NGLY1: variants seen among roughly 807,000 people sequenced by gnomAD.
The protein encoded by NGLY1 is peptide-N(4)-(N-acetyl-beta-glucosaminyl)asparagine amidase.
A neutral mutation model predicts 84.6 loss-of-function variants in NGLY1; 68 were observed. That is an observed-to-expected ratio of 0.80 (90% CI 0.66 to 0.98). The LOEUF is 0.98. NGLY1 is among the 50% of genes least tolerant of loss of function. The pLI is 0.00. For missense variants in NGLY1, 779 were observed against 770.2 expected, an observed-to-expected ratio of 1.01 and a Z score of -0.14; for synonymous variants, 280 against 275.2, an observed-to-expected ratio of 1.02 and a Z score of -0.17.
upstream of NGLY1, chr3:25,783,476 A>T (rs1301228487): frequency 4.5e-6 from 6 of 1,318,850 alleles, no homozygotes; most frequent in Non-Finnish European, 5.8e-6. The surrounding 1 kb of genome is among the most constrained non-coding windows in gnomAD (Gnocchi z 4.5). Flanking sequence ...CAGCTACCGC[A>T]GCCACCGGCA....
chr3:25,737,153 A>C (rs1034450492), intron 6 of NGLY1, 181 bp downstream of exon 6: 1 of 518,894 alleles, frequency 1.9e-6, no homozygotes. Context: ...GTGTTTTACA[A>C]AACTCTTGTG....
chr3:25,730,341 A>G (rs1449275342), intron 9 of NGLY1: 1 of 152,136 alleles, frequency 6.6e-6, no homozygotes, highest in Non-Finnish European at 1.5e-5. Context: ...CTAAAGGAAA[A>G]AATGATTTCT....
At position 25,752,999 on chromosome 3, in the gene NGLY1, A is replaced by C. The variant is rs543880998; in HGVS notation, c.493-1736T>G. ...AAAACTTCTCACATCCAGTTAAGGG[A>C]AATTCCAGAAAGACAGTAAAAACAA... On this transcript the variant is annotated intron_variant, in intron 3 of 11. Coordinates refer to ENST00000280700, the MANE Select transcript of NGLY1 (RefSeq NM_018297.4). Among the ~76,000 whole-genome samples the C allele has an allele frequency of 1.6e-4, 24 of 152,242 alleles. 1 individual carries two copies. The South Asian group carries it at 4.8e-3, about 30-fold the overall frequency.
In NGLY1 at chr3:25,739,557, T is replaced by C; in HGVS notation, c.881+20A>G. On this transcript the variant is annotated intron_variant, in intron 5 of 11. Coordinates refer to ENST00000280700, the MANE Select transcript of NGLY1 (RefSeq NM_018297.4). ...ATTTCATTAAGAGATTATTCTGATT[T>C]TACCATCCAGGGCACCCACCTTGGG... is the stretch of plus-strand genomic sequence containing the variant. 1 of 1,609,290 alleles carries C rather than the reference T, an allele frequency of 6.2e-7. No individual in the cohort carries two copies. The highest frequency in any genetic ancestry group is 8.5e-7 in the Non-Finnish European group (1 of 1,176,230).
At chr3:25,767,240 C>T (rs1215619365) in intron 2 of NGLY1, among the ~76,000 whole-genome samples, 3 of 149,980 alleles carry the variant, frequency 2.0e-5, no homozygotes, top group African/African-American at 7.4e-5. Context: ...TGCAGTGAGC[C>T]GAGATCATGC....
chr3:25,745,198 T>A (rs1278045550), intron 4 of NGLY1, among the ~76,000 whole-genome samples: 1 of 152,218 alleles, frequency 6.6e-6, no homozygotes, highest in East Asian at 1.9e-4. Context: ...TGTCACTAAC[T>A]TGTGGTTATT....
rs760591253 is a variant in NGLY1 at position 25,751,268 on chromosome 3, T to C, written c.493-5A>G. The C allele has an allele frequency of 6.6e-5, 99 of 1,493,946 alleles. No homozygotes were observed. In the East Asian group the frequency reaches 2.4e-3, roughly 36 times the overall value. The allele number at this position is 1,493,946 out of a possible 1,614,324, so 92.5% of individuals were successfully genotyped here. A position where few individuals can be genotyped will look rare whatever the true frequency, so the allele number is the denominator to read the frequency against. ...AATGGCTGAGTCAGCAGCAACCTAA[T>C]AGGAAAAAAAAAAACTGAAATTAAC... On this transcript the variant is annotated splice_region_variant and splice_polypyrimidine_tract_variant and intron_variant, in intron 3 of 11. Transcript: ENST00000280700.
chr3:25,744,089 T>C (rs1284694847), intron 4 of NGLY1, among the ~76,000 whole-genome samples: 1 of 152,220 alleles, frequency 6.6e-6, no homozygotes, highest in Non-Finnish European at 1.5e-5. Context: ...TAGTAACTTA[T>C]CAGTGACAAA....
chr3:25,739,066 A>G (rs1705990592), intron 5 of NGLY1, among the ~76,000 whole-genome samples: 1 of 152,234 alleles, frequency 6.6e-6, no homozygotes, highest in African/African-American at 2.4e-5. Context: ...GATTATTGTG[A>G]GAGTGAATAC....
rs1391714503 is a variant in NGLY1, at chr3:25,720,311, C to G, written c.1612-120G>C. On this transcript the variant is annotated intron_variant, in intron 10 of 11. Transcript: ENST00000280700. ...GTATGTACAAGTGGTTATTTAAAAACTAACTTTTCCCTGTTGAAAAGGTTC... is the reference window on the plus strand; with the variant it reads ...GTATGTACAAGTGGTTATTTAAAAAGTAACTTTTCCCTGTTGAAAAGGTTC... 4.0e-6 allele frequency: 3 copies of G among 741,924 alleles called. No homozygotes were observed. The African/African-American group carries it at 5.4e-5, about 13-fold the overall frequency. 46.0% of individuals were successfully genotyped at this position (741,924 alleles called of 1,614,324 possible). A position where few individuals can be genotyped will look rare whatever the true frequency, so the allele number is the denominator to read the frequency against.
intron 9 of NGLY1, chr3:25,730,328 T>C (rs1218140780): frequency 6.6e-6 from 1 of 152,112 alleles, no homozygotes; most frequent in Non-Finnish European, 1.5e-5. Flanking sequence ...CAAACATCCA[T>C]TTCTAAAGGA....
chr3:25,719,669 T>C (rs551471535), intron 11 of NGLY1, 34 bp from the exon 12 acceptor site: 404 of 1,570,146 alleles, frequency 2.6e-4, no homozygotes, highest in Non-Finnish European at 3.2e-4. Context: ...AACATTTTGC[T>C]TTTGGTAATT....
At chr3:25,779,944 T>G (rs115549260) in intron 1 of NGLY1, among the ~76,000 whole-genome samples, 3,471 of 152,344 alleles carry the variant, frequency 0.023, 63 homozygotes, top group Non-Finnish European at 0.033. Context: ...ACACAAGTAG[T>G]ACAGAAATTT....
chr3:25,761,793 T>C (rs1209539291), intron 3 of NGLY1, among the ~76,000 whole-genome samples: 1 of 152,166 alleles, frequency 6.6e-6, no homozygotes, highest in African/African-American at 2.4e-5. Flanking sequence ...TAGGCAAACA[T>C]GGGAAACAAC....
intron 10 of NGLY1, among the ~76,000 whole-genome samples, chr3:25,726,437 T>A (rs1383569662): frequency 6.6e-6 from 1 of 152,070 alleles, no homozygotes; most frequent in Non-Finnish European, 1.5e-5. Context: ...GAAAGAGAGG[T>A]ATATGGTACA....
At position 25,778,615 on chromosome 3, in the gene NGLY1, T is replaced by C. The variant is rs2125321653; in HGVS notation, c.205A>G (p.Arg69Gly). 6.2e-7 allele frequency: 1 copy of C among 1,612,266 alleles called. No individual in the cohort carries two copies. The highest frequency in any genetic ancestry group is 1.1e-5 in the South Asian group (1 of 90,800). The change falls in exon 2 of 12, where the codon AGA becomes GGA. Residue 69 changes from arginine (R) to glycine (G), a missense_variant. By Grantham distance (125) the Arg-to-Gly change is moderately radical. Coordinates refer to ENST00000280700, the MANE Select transcript of NGLY1 (RefSeq NM_018297.4). ...TAFSTRLLPV[R>G]GAVECLFEMG... Reference sequence around the variant, plus strand: ...TCAAATAAACATTCAACAGCTCCTCTGACAGGCAAGAGTCTAGTAGAAAAG... The same window carrying C: ...TCAAATAAACATTCAACAGCTCCTCCGACAGGCAAGAGTCTAGTAGAAAAG...
At chr3:25,762,420 ATTC>A in intron 3 of NGLY1, among the ~76,000 whole-genome samples, 1 of 152,242 alleles carries the variant, frequency 6.6e-6, no homozygotes, top group East Asian at 1.9e-4. Flanking sequence ...AACAAGATTC[ATTC>A]TAATTTCTCT....
chr3:25,765,351 T>C (rs1300338445), intron 2 of NGLY1, among the ~76,000 whole-genome samples: 3 of 151,096 alleles, frequency 2.0e-5, no homozygotes, highest in Non-Finnish European at 4.4e-5. Context: ...TCCCAGCTAC[T>C]TGGGAGGCTG....
chr3:25,753,773 T>C lies in NGLY1; in HGVS notation c.493-2510A>G, dbSNP rs183286374. Among the ~76,000 whole-genome samples the C allele has an allele frequency of 1.1e-3, 173 of 152,038 alleles. 2 individuals carry two copies. The highest frequency in any genetic ancestry group is 3.9e-3 in the Admixed American group (59 of 15,266). ...GAGAAAAGAAAAAAAAGCAAGAACATAGACAACACAAAATAAGGTATCAGA... is the reference window on the plus strand; with the variant it reads ...GAGAAAAGAAAAAAAAGCAAGAACACAGACAACACAAAATAAGGTATCAGA... On this transcript the variant is annotated intron_variant, in intron 3 of 11. Coordinates refer to ENST00000280700, the MANE Select transcript of NGLY1 (RefSeq NM_018297.4).
Sources: allele counts gnomAD v4.1 joint callset (sites outside exome capture counted in the v4.1 genomes callset), GRCh38; gene constraint gnomAD v4.1.1; non-coding constraint Gnocchi (gnomAD v3.1); transcripts MANE v1.5; gene names NCBI Gene and HGNC (gene_info 2026-07-23, HGNC 2026-07-21).